VHL: variants seen among roughly 807,000 people sequenced by gnomAD.
The protein encoded by VHL is von Hippel-Lindau tumor suppressor.
In VHL, 10 loss-of-function variants were observed where a neutral mutation model predicts 19.2. The observed-to-expected ratio is 0.52, with a 90% CI of 0.32 to 0.89. VHL has a LOEUF of 0.89. Ranked by LOEUF, VHL falls within the 40% of genes least tolerant of loss-of-function variation. The pLI, the probability that VHL is intolerant of heterozygous loss-of-function variation, is 0.03. For missense variants in VHL, 328 were observed against 292.7 expected, an observed-to-expected ratio of 1.12 and a Z score of -0.88; for synonymous variants, 167 against 129.5, an observed-to-expected ratio of 1.29 and a Z score of -1.97.
chr3:10,151,310 G>C lies in VHL; in HGVS notation c.*1345G>C, dbSNP rs1696404437. The C allele has an allele frequency of 9.4e-6, 2 of 213,382 alleles. No individual in the cohort carries two copies. Among genetic ancestry groups the C allele is most frequent in the African/African-American group, 4.5e-5 (2 of 44,266 alleles). 13.2% of individuals were successfully genotyped at this position (213,382 alleles called of 1,614,324 possible). A position where few individuals can be genotyped will look rare whatever the true frequency, so the allele number is the denominator to read the frequency against. ...TAAATGTACAAATTCTTATAGGCTA[G>C]ACTTAGATTCATTAACTCAAATTCA... is the stretch of plus-strand genomic sequence containing the variant. On this transcript the variant is annotated 3_prime_UTR_variant, in exon 3 of 3. Coordinates refer to ENST00000256474, the MANE Select transcript of VHL (RefSeq NM_000551.4).
In VHL at chr3:10,151,724, A is replaced by G. The variant is rs114732761; in HGVS notation, c.*1759A>G. 948 of 207,160 alleles carry G rather than the reference A, an allele frequency of 4.6e-3. 13 individuals are homozygous for G. Among genetic ancestry groups the G allele is most frequent in the African/African-American group, 0.02 (875 of 43,924 alleles). 12.8% of individuals were successfully genotyped at this position (207,160 alleles called of 1,614,324 possible). On this transcript the variant is annotated 3_prime_UTR_variant, in exon 3 of 3. Transcript: ENST00000256474. ...TGTTTGTGGGTATTTCTTGGCATGC[A>G]TCTTTAATTCCTTATCCTAGCCTTT...
intron 1 of VHL, among the ~76,000 whole-genome samples, chr3:10,144,181 C>T (rs1414131737): frequency 1.3e-5 from 2 of 152,048 alleles, no homozygotes; most frequent in Non-Finnish European, 2.9e-5. Context: ...TAAAAATTTA[C>T]TGAGCCTGGG....
rs1379270197 is a variant in VHL at position 10,142,152 on chromosome 3, C to T, written c.305C>T (p.Pro102Leu). 5.6e-6 allele frequency: 9 copies of T among 1,598,846 alleles called. No individual in the cohort carries two copies. Among genetic ancestry groups the T allele is most frequent in the African/African-American group, 2.7e-5 (2 of 74,896 alleles). The change falls in exon 1 of 3, where the codon CCG (proline) becomes CTG (leucine). Residue 102 changes from proline to leucine, a missense_variant. By Grantham distance (98) the Pro-to-Leu change is moderately conservative. Transcript: ENST00000256474. ...GAGCCGCAGCCCTACCCAACGCTGC[C>T]GCCTGGCACGGGCCGCCGCATCCAC... ...DGEPQPYPTL[P>L]PGTGRRIHSY...
intron 2 of VHL, among the ~76,000 whole-genome samples, chr3:10,149,441 C>T (rs1696345581): frequency 6.6e-6 from 1 of 152,138 alleles, no homozygotes; most frequent in Non-Finnish European, 1.5e-5. Flanking sequence ...TGTGGTCTCT[C>T]TAGCAGGGTA....
rs775446934 is a variant in VHL at position 10,141,822 on chromosome 3, C to T, written c.-26C>T. On this transcript the variant is annotated 5_prime_UTR_variant, in exon 1 of 3. Transcript: ENST00000256474. ...GACCCGCGGATCCCGCGGCGTCCGG[C>T]CCGGGTGGTCTGGATCGCGGAGGGA... The T allele has an allele frequency of 5.9e-6, 9 of 1,536,516 alleles. No individual in the cohort carries two copies. Among genetic ancestry groups the T allele is most frequent in the Non-Finnish European group, 7.9e-6 (9 of 1,141,258 alleles).
chr3:10,149,996 C>T lies in VHL; in HGVS notation c.*31C>T, dbSNP rs1559430052. On this transcript the variant is annotated 3_prime_UTR_variant, in exon 3 of 3. Transcript: ENST00000256474. ...TCTGTTGAAACTTACACTGTTTCAT[C>T]TCAGCTTTTGATGGTACTGATGAGT... is the stretch of plus-strand genomic sequence containing the variant. 1.9e-6 allele frequency: 3 copies of T among 1,602,020 alleles called. No homozygotes were observed. The highest frequency in any genetic ancestry group is 2.6e-6 in the Non-Finnish European group (3 of 1,174,114).
intron 2 of VHL, among the ~76,000 whole-genome samples, chr3:10,146,841 A>G (rs1575928465): frequency 6.6e-6 from 1 of 152,308 alleles, no homozygotes; most frequent in South Asian, 2.1e-4. Flanking sequence ...TCTCAAAAGC[A>G]CTTTGGGCTC....
At chr3:10,147,519 C>A (rs1046023204) in intron 2 of VHL, among the ~76,000 whole-genome samples, 4 of 151,850 alleles carry the variant, frequency 2.6e-5, no homozygotes, top group Admixed American at 2.6e-4. Context: ...TGCCTGTCAC[C>A]ACACCTGGCT....
rs540489358 is a variant in VHL at position 10,153,361 on chromosome 3, G to A, written c.*3396G>A. Reference sequence around the variant, plus strand: ...GGCGAATCTCTTGAACCCGGGAGGCGGAGGTTGCAGTGAGCCAAGATCACA... The same window carrying A: ...GGCGAATCTCTTGAACCCGGGAGGCAGAGGTTGCAGTGAGCCAAGATCACA... On this transcript the variant is annotated 3_prime_UTR_variant, in exon 3 of 3. Transcript: ENST00000256474. Among the ~76,000 whole-genome samples, 23 of 152,022 alleles carry A rather than the reference G, an allele frequency of 1.5e-4. No homozygotes were observed. The highest frequency in any genetic ancestry group is 5.3e-4 in the African/African-American group (22 of 41,496).
chr3:10,149,680 A>G (rs753714332), intron 2 of VHL, 107 bp from the exon 3 acceptor site: 3 of 998,018 alleles, frequency 3.0e-6, no homozygotes, highest in Non-Finnish European at 4.6e-6. Context: ...TCTTTAACCT[A>G]AAGTGAGATC....
At chr3:10,144,370 G>A (rs923911271) in intron 1 of VHL, among the ~76,000 whole-genome samples, 1 of 152,038 alleles carries the variant, frequency 6.6e-6, no homozygotes, top group African/African-American at 2.4e-5. Flanking sequence ...CAGCTACTTG[G>A]GAAGCTGAGG....
rs1244549737 is a variant in VHL, at chr3:10,152,672, A to T, written c.*2707A>T. ...CATGCCTGGCTAATTTTGTGTTTTT[A>T]GTGGAGACGGGGTTTCACCATGTTG... On this transcript the variant is annotated 3_prime_UTR_variant, in exon 3 of 3. Transcript: ENST00000256474. 6.6e-6 allele frequency among the ~76,000 whole-genome samples: 1 copy of T among 150,754 alleles called. No individual in the cohort carries two copies. The highest frequency in any genetic ancestry group is 2.4e-5 in the African/African-American group (1 of 41,080).
chr3:10,144,564 T>G (rs1272298100), intron 1 of VHL, among the ~76,000 whole-genome samples: 2 of 150,104 alleles, frequency 1.3e-5, no homozygotes, highest in Non-Finnish European at 1.5e-5. Context: ...AGGCTGGAGT[T>G]TGGTGGCATG....
chr3:10,147,344 G>A (rs1696286298), intron 2 of VHL, among the ~76,000 whole-genome samples: 1 of 144,294 alleles, frequency 6.9e-6, no homozygotes, highest in Non-Finnish European at 1.5e-5. Flanking sequence ...CAAGCTCACA[G>A]TGCCAATCAG....
intron 1 of VHL, among the ~76,000 whole-genome samples, chr3:10,143,298 T>A (rs1696173852): frequency 6.7e-6 from 1 of 149,618 alleles, no homozygotes; most frequent in African/African-American, 2.5e-5. Flanking sequence ...TCCTGGCTAA[T>A]TTTTTTTTTA....
At position 10,150,879 on chromosome 3, in the gene VHL, G is replaced by T. The variant is rs1007441415; in HGVS notation, c.*914G>T. 4.4e-5 allele frequency: 10 copies of T among 226,108 alleles called. No homozygotes were observed. The highest frequency in any genetic ancestry group is 1.1e-4 in the Admixed American group (2 of 17,452). The allele number at this position is 226,108 out of a possible 1,614,324, so 14.0% of individuals were successfully genotyped here. Reference sequence around the variant, plus strand: ...ATTCCTGATTGATTTGGGTTTTTTTGTTGTTGTTGTTTTGTTTTGTTTTGT... The same window carrying T: ...ATTCCTGATTGATTTGGGTTTTTTTTTTGTTGTTGTTTTGTTTTGTTTTGT... On this transcript the variant is annotated 3_prime_UTR_variant, in exon 3 of 3. Coordinates refer to ENST00000256474, the MANE Select transcript of VHL (RefSeq NM_000551.4).
At position 10,141,952 on chromosome 3, in the gene VHL, C is replaced by T. The variant is rs1310829877; in HGVS notation, c.105C>T (p.Ala35=). The T allele has an allele frequency of 6.5e-7, 1 of 1,545,034 alleles. No individual in the cohort carries two copies. Among genetic ancestry groups the T allele is most frequent in the Non-Finnish European group, 8.7e-7 (1 of 1,144,196 alleles). The part of the protein sequence containing the change: ...PEEDGGEESG[A]EESGPEESGP... The stretch of plus-strand genomic sequence containing the variant: ...AAGACGGCGGGGAGGAGTCGGGCGC[C>T]GAGGAGTCCGGCCCGGAAGAGTCCG... Residue 35 remains alanine (A), a synonymous_variant, in exon 1 of 3, where the codon GCC becomes GCT. Transcript: ENST00000256474.
rs960891299 is a variant in VHL at position 10,151,349 on chromosome 3, A to T, written c.*1384A>T. 4.6e-6 allele frequency: 1 copy of T among 215,786 alleles called. No homozygotes were observed. The highest frequency in any genetic ancestry group is 9.3e-6 in the Non-Finnish European group (1 of 107,340). 13.4% of individuals were successfully genotyped at this position (215,786 alleles called of 1,614,324 possible). A position where few individuals can be genotyped will look rare whatever the true frequency, so the allele number is the denominator to read the frequency against. ...AACTCAAATTCAATGCTTCTATCAG[A>T]CTCAGTTTTTTGTAACTAATAGATT... On this transcript the variant is annotated 3_prime_UTR_variant, in exon 3 of 3. Transcript: ENST00000256474.
At position 10,146,476 on chromosome 3, in the gene VHL, C is replaced by A. The variant is rs185858030; in HGVS notation, c.341-38C>A. 4 of 1,610,582 alleles carry A rather than the reference C, an allele frequency of 2.5e-6. No homozygotes were observed. The African/African-American group carries it at 4.0e-5, about 16-fold the overall frequency. ...GGTGTGGGCCACCGTGCCCAGCCAC[C>A]GGTGTGGCTCTTTAACAACCTTTGC... On this transcript the variant is annotated intron_variant, in intron 1 of 2. Coordinates refer to ENST00000256474, the MANE Select transcript of VHL (RefSeq NM_000551.4).
Sources: allele counts gnomAD v4.1 joint callset (sites outside exome capture counted in the v4.1 genomes callset), GRCh38; gene constraint gnomAD v4.1.1; transcripts MANE v1.5; gene names NCBI Gene and HGNC (gene_info 2026-07-23, HGNC 2026-07-21).